Variants in BTLA observed in about 807,000 individuals in gnomAD.
The protein encoded by BTLA is B and T lymphocyte associated, also known as B- and T-lymphocyte attenuator.
In BTLA, 11 loss-of-function variants were observed where a neutral mutation model predicts 25.0. The observed-to-expected ratio is 0.44, with a 90% CI of 0.28 to 0.73. The LOEUF (loss-of-function observed/expected upper bound fraction) is 0.73. BTLA is among the 30% of genes least tolerant of loss of function. The pLI is 0.15. For synonymous variants in BTLA, 104 were observed against 119.8 expected (o/e 0.87, Z 0.86); for missense variants, 282 against 332.8 (o/e 0.85, Z 1.19).
intron 1 of BTLA, among the ~76,000 whole-genome samples, chr3:112,496,994 C>CTGAG (rs1195229016): frequency 6.6e-6 from 1 of 152,180 alleles, no homozygotes; most frequent in African/African-American, 2.4e-5. Flanking sequence ...TCCCAAAGTG[C>CTGAG]TGAGACTAAA....
rs139049496 is a variant in BTLA at position 112,468,506 on chromosome 3, C to T, written c.594+1252G>A. On this transcript the variant is annotated intron_variant, in intron 4 of 4. Coordinates refer to ENST00000334529, the MANE Select transcript of BTLA (RefSeq NM_181780.4). ...TTCAAATTCCTGTTAATAGCAAAAA[C>T]GCTTTAAAACAAACTTCCCAGACAA... Among the ~76,000 whole-genome samples the T allele has an allele frequency of 2.3e-4, 35 of 152,248 alleles. No individual in the cohort carries two copies. In the East Asian group the frequency reaches 6.4e-3, roughly 28 times the overall value.
intron 1 of BTLA, among the ~76,000 whole-genome samples, chr3:112,488,374 C>G (rs532552161): frequency 1.2e-4 from 18 of 152,052 alleles, no homozygotes; most frequent in Admixed American, 2.6e-4. Context: ...AGGTGCCCAC[C>G]ACCACGCCCG....
chr3:112,497,231 T>C (rs2082414046), intron 1 of BTLA, among the ~76,000 whole-genome samples: 1 of 152,240 alleles, frequency 6.6e-6, no homozygotes, highest in African/African-American at 2.4e-5. Flanking sequence ...TACTGAGCTT[T>C]AAATACGTGC....
chr3:112,483,554 T>C (rs902084174), intron 1 of BTLA, among the ~76,000 whole-genome samples: 3 of 152,304 alleles, frequency 2.0e-5, no homozygotes, highest in South Asian at 2.1e-4. Flanking sequence ...GGACGTTGCA[T>C]GCTGGTTGTT....
chr3:112,479,986 GC>G (rs1185277971), intron 1 of BTLA, among the ~76,000 whole-genome samples: 3 of 151,586 alleles, frequency 2.0e-5, no homozygotes, highest in African/African-American at 4.9e-5. Context: ...TGTCTGTCAG[GC>G]CTTTGAGCCC....
chr3:112,469,622 TATATATATATATATATATATATATATAG>T (rs2082249830), intron 4 of BTLA, 108 bp downstream of exon 4: 1 of 31,812 alleles, frequency 3.1e-5, no homozygotes, highest in Admixed American at 4.2e-4. Flanking sequence ...TATATATATA[TATATATATATATATATATATATATATAG>T]TACATAGAAT....
At chr3:112,467,413 AAAG>A (rs1309113453) in intron 4 of BTLA, among the ~76,000 whole-genome samples, 1 of 152,220 alleles carries the variant, frequency 6.6e-6, no homozygotes, top group Non-Finnish European at 1.5e-5. Flanking sequence ...TTCACCTGAC[AAAG>A]AAGATGTGTT....
At chr3:112,491,057 G>T (rs1477308123) in intron 1 of BTLA, among the ~76,000 whole-genome samples, 1 of 152,108 alleles carries the variant, frequency 6.6e-6, no homozygotes, top group Non-Finnish European at 1.5e-5. Flanking sequence ...TTCTGAACTT[G>T]TTTTGTCTAA....
chr3:112,471,580 A>G (rs1010978516), intron 2 of BTLA, among the ~76,000 whole-genome samples: 1 of 152,190 alleles, frequency 6.6e-6, no homozygotes, highest in African/African-American at 2.4e-5. Context: ...GAAATTCTTT[A>G]TTCTGATAGA....
intron 1 of BTLA, among the ~76,000 whole-genome samples, chr3:112,482,747 T>A (rs989107887): frequency 2.6e-5 from 4 of 152,160 alleles, no homozygotes; most frequent in Admixed American, 1.3e-4. Context: ...TCCAAAAGTT[T>A]AGAACTAAAA....
At chr3:112,498,268 G>T (rs1173991583) in intron 1 of BTLA, among the ~76,000 whole-genome samples, 1 of 151,658 alleles carries the variant, frequency 6.6e-6, no homozygotes, top group Non-Finnish European at 1.5e-5. Flanking sequence ...TTAGCTGTGC[G>T]TGGTGGAAGG....
chr3:112,476,554 C>G (rs998941040), intron 2 of BTLA, among the ~76,000 whole-genome samples: 3 of 152,148 alleles, frequency 2.0e-5, no homozygotes, highest in African/African-American at 7.2e-5. Flanking sequence ...ATTGCAATAA[C>G]CCTCTTTTGA....
In BTLA at chr3:112,466,392, GA is replaced by G; in HGVS notation, c.595-10del. On this transcript the variant is annotated splice_polypyrimidine_tract_variant and intron_variant, in intron 4 of 4. Coordinates refer to ENST00000334529, the MANE Select transcript of BTLA (RefSeq NM_181780.4). ...TTAAGGTGAGCATCAACCTACAATA[GA>G]AAAAAAGATGGTTTTAAGTGACACT... 6.5e-7 allele frequency: 1 copy of G among 1,548,414 alleles called. No homozygotes were observed. Among genetic ancestry groups the G allele is most frequent in the South Asian group, 1.2e-5 (1 of 80,988 alleles).
chr3:112,478,868 G>A (rs2082302785), intron 2 of BTLA, among the ~76,000 whole-genome samples: 1 of 151,982 alleles, frequency 6.6e-6, no homozygotes, highest in South Asian at 2.1e-4. Context: ...TCCTTCCTCA[G>A]TTGTCAAAGC....
chr3:112,477,139 A>G (rs1398124416), intron 2 of BTLA, among the ~76,000 whole-genome samples: 5 of 152,176 alleles, frequency 3.3e-5, no homozygotes, highest in African/African-American at 1.2e-4. Flanking sequence ...TGTGATAAAC[A>G]TTCAGGAACA....
At position 112,466,145 on chromosome 3, in the gene BTLA, G is replaced by C; in HGVS notation, c.833C>G (p.Ala278Gly). 2.5e-6 allele frequency: 4 copies of C among 1,608,710 alleles called. No homozygotes were observed. Among genetic ancestry groups the C allele is most frequent in the Non-Finnish European group, 2.6e-6 (3 of 1,175,720 alleles). ...NSRLARNVKEAPTEYASICVR... is the reference protein window; with the variant it reads ...NSRLARNVKEGPTEYASICVR... ...ACATATGGATGCATATTCTGTTGGT[G>C]CTTCTTTTACATTTCTTGCCAGTCT... Residue 278 changes from alanine to glycine, a missense_variant, in exon 5 of 5, where the codon GCA becomes GGA. Ala to Gly is a moderately conservative substitution (Grantham distance 60). This residue lies in a region of BTLA where 119 missense variants were observed against 102.3 expected (regional missense o/e 1.16). Coordinates refer to ENST00000334529, the MANE Select transcript of BTLA (RefSeq NM_181780.4).
At chr3:112,499,166 C>A in intron 1 of BTLA, 105 bp downstream of exon 1, 1 of 776,408 alleles carries the variant, frequency 1.3e-6, no homozygotes, top group South Asian at 1.9e-5. Context: ...CTACGATTAC[C>A]CACTTCGTAT....
chr3:112,478,505 A>T (rs536347865), intron 2 of BTLA, among the ~76,000 whole-genome samples: 128 of 152,248 alleles, frequency 8.4e-4, no homozygotes, highest in African/African-American at 3.0e-3. Context: ...AAATTCATGT[A>T]TTAGCTTTAA....
chr3:112,491,228 T>C (rs752448496), intron 1 of BTLA, among the ~76,000 whole-genome samples: 4 of 152,178 alleles, frequency 2.6e-5, no homozygotes, highest in Non-Finnish European at 4.4e-5. Context: ...AAGTTACATT[T>C]AGGAGATCAC....
Sources: allele counts gnomAD v4.1 joint callset (sites outside exome capture counted in the v4.1 genomes callset), GRCh38; gene constraint gnomAD v4.1.1; regional missense constraint gnomAD v4.1.1; transcripts MANE v1.5; gene names NCBI Gene and HGNC (gene_info 2026-07-23, HGNC 2026-07-21).